LGR4: variants seen among roughly 807,000 people sequenced by gnomAD.
LGR4 encodes leucine rich repeat containing G protein-coupled receptor 4.
Under a neutral mutation model 84.8 loss-of-function variants are expected in LGR4, and 44 were observed. The ratio of observed to expected loss-of-function variants is 0.52; its 90% CI spans 0.41 to 0.67. The LOEUF (loss-of-function observed/expected upper bound fraction) is 0.67, where lower values mean the gene tolerates loss of function less well. LGR4 is among the 30% of genes least tolerant of loss of function. The probability of loss-of-function intolerance (pLI) is 0.00; values close to 1 mark genes in which losing one functional copy is unlikely to be tolerated. For missense variants in LGR4, 1,032 were observed against 1,131.4 expected (o/e 0.91, Z 1.26); for synonymous variants, 429 against 434.3 (o/e 0.99, Z 0.15).
intron 2 of LGR4, among the ~76,000 whole-genome samples, chr11:27,404,069 G>C (rs1020272834): frequency 5.3e-5 from 8 of 152,140 alleles, no homozygotes; most frequent in African/African-American, 1.7e-4. Context: ...CTATTTTCTT[G>C]CTGGAAAATT....
intron 1 of LGR4, among the ~76,000 whole-genome samples, chr11:27,427,089 A>G (rs1480720097): frequency 6.6e-6 from 1 of 152,202 alleles, no homozygotes; most frequent in Non-Finnish European, 1.5e-5. Flanking sequence ...TTGCTTATTA[A>G]TAATAGTGGT....
chr11:27,433,332 A>C (rs1046607693), intron 1 of LGR4, among the ~76,000 whole-genome samples: 2 of 150,768 alleles, frequency 1.3e-5, no homozygotes, highest in Non-Finnish European at 3.0e-5. Flanking sequence ...CCTGCCTCAG[A>C]CTCCCCAGTA....
At chr11:27,378,236 G>A (rs569964593) in intron 11 of LGR4, among the ~76,000 whole-genome samples, 4 of 152,038 alleles carry the variant, frequency 2.6e-5, no homozygotes, top group African/African-American at 4.8e-5. Context: ...TAACTTAATC[G>A]TTTATTCTGG....
intron 1 of LGR4, among the ~76,000 whole-genome samples, chr11:27,442,958 C>A (rs1864328205): frequency 6.6e-6 from 1 of 152,184 alleles, no homozygotes; most frequent in African/African-American, 2.4e-5. Flanking sequence ...TCCTATATAA[C>A]AGGGACTGTA....
intron 1 of LGR4, among the ~76,000 whole-genome samples, chr11:27,428,139 CT>C (rs1047115952): frequency 0.015 from 2,201 of 145,218 alleles, 50 homozygotes; most frequent in African/African-American, 0.049. Flanking sequence ...ATCTTGCATT[CT>C]TTTTTTTTTT....
intron 1 of LGR4, among the ~76,000 whole-genome samples, chr11:27,462,316 G>A (rs182471656): frequency 6.6e-6 from 1 of 152,272 alleles, no homozygotes; most frequent in Admixed American, 6.5e-5. Flanking sequence ...GCCATCTCAG[G>A]AAGGCAGCAA....
intron 1 of LGR4, among the ~76,000 whole-genome samples, chr11:27,455,033 CTCTG>C (rs1238563390): frequency 2.0e-5 from 3 of 152,156 alleles, no homozygotes; most frequent in Admixed American, 6.5e-5. Context: ...CACTTGCCTT[CTCTG>C]TCTGTCTTTC....
At chr11:27,396,934 C>T (rs899888160) in intron 2 of LGR4, among the ~76,000 whole-genome samples, 4 of 152,136 alleles carry the variant, frequency 2.6e-5, no homozygotes, top group African/African-American at 9.7e-5. Flanking sequence ...CCAAAGACCA[C>T]GAGAGTGTCT....
intron 1 of LGR4, among the ~76,000 whole-genome samples, chr11:27,450,987 C>T (rs1864472528): frequency 2.0e-5 from 3 of 152,102 alleles, no homozygotes; most frequent in Admixed American, 2.0e-4. Context: ...TATACTACTT[C>T]CAGGATTACT....
intron 6 of LGR4, among the ~76,000 whole-genome samples, chr11:27,383,827 G>A (rs1023987800): frequency 3.0e-4 from 46 of 152,300 alleles, no homozygotes; most frequent in African/African-American, 1.1e-3. Context: ...ATATAGTGGT[G>A]CAATGTACAG....
intron 12 of LGR4, 50 bp from the exon 13 acceptor site, chr11:27,376,420 G>C: frequency 1.1e-6 from 1 of 951,554 alleles, no homozygotes; most frequent in East Asian, 2.5e-5. Flanking sequence ...ACAAAGAAGA[G>C]AACAGGAGGA....
chr11:27,384,839 G>A (rs538667606), intron 5 of LGR4, among the ~76,000 whole-genome samples: 2 of 152,228 alleles, frequency 1.3e-5, no homozygotes, highest in Non-Finnish European at 2.9e-5. Flanking sequence ...GCACTATTTT[G>A]TTATGTCTTG....
chr11:27,380,144 G>A, intron 10 of LGR4, 127 bp downstream of exon 10: 1 of 570,344 alleles, frequency 1.8e-6, no homozygotes, highest in Non-Finnish European at 3.1e-6. Context: ...CTCCATGCAT[G>A]ATATATACAA....
At chr11:27,438,512 A>T (rs1363071343) in intron 1 of LGR4, among the ~76,000 whole-genome samples, 1 of 152,128 alleles carries the variant, frequency 6.6e-6, no homozygotes, top group Non-Finnish European at 1.5e-5. Flanking sequence ...GGTTAATTTT[A>T]TGTGTCAACT....
intron 1 of LGR4, among the ~76,000 whole-genome samples, chr11:27,434,915 C>T (rs1826075288): frequency 6.6e-6 from 1 of 152,102 alleles, no homozygotes. Flanking sequence ...CTTAAAGTGA[C>T]TAATAATAGA....
At chr11:27,464,700 T>C (rs1277041817) in intron 1 of LGR4, among the ~76,000 whole-genome samples, 7 of 152,156 alleles carry the variant, frequency 4.6e-5, no homozygotes, top group East Asian at 3.9e-4. Flanking sequence ...GCCAAATTTA[T>C]GTCACTCTTC....
chr11:27,459,597 C>T (rs1864643389), intron 1 of LGR4, among the ~76,000 whole-genome samples: 1 of 151,996 alleles, frequency 6.6e-6, no homozygotes, highest in Admixed American at 6.6e-5. Flanking sequence ...CTGCCTCATC[C>T]TCCCAAATAG....
rs147950033 is a variant in LGR4, at chr11:27,366,633, G to C, written c.*1234C>G. 2.0e-5 allele frequency: 3 copies of C among 152,452 alleles called. No homozygotes were observed. Among genetic ancestry groups the C allele is most frequent in the Non-Finnish European group, 2.9e-5 (2 of 67,938 alleles). The allele number at this position is 152,452 out of a possible 1,614,324, so 9.4% of individuals were successfully genotyped here. A position where few individuals can be genotyped will look rare whatever the true frequency, so the allele number is the denominator to read the frequency against. On this transcript the variant is annotated 3_prime_UTR_variant, in exon 18 of 18. Coordinates refer to ENST00000379214, the MANE Select transcript of LGR4 (RefSeq NM_018490.5). The stretch of plus-strand genomic sequence containing the variant: ...AATTATAACTTTAAGACTCCACCCA[G>C]TAATAGGTCTAAAGCCCATAGATGG...
At chr11:27,444,648 G>C (rs1864357446) in intron 1 of LGR4, among the ~76,000 whole-genome samples, 1 of 152,070 alleles carries the variant, frequency 6.6e-6, no homozygotes, top group Non-Finnish European at 1.5e-5. Context: ...TAATTAGGGT[G>C]GATAAGAATC....
Sources: allele counts gnomAD v4.1 joint callset (sites outside exome capture counted in the v4.1 genomes callset), GRCh38; gene constraint gnomAD v4.1.1; transcripts MANE v1.5; gene names NCBI Gene and HGNC (gene_info 2026-07-23, HGNC 2026-07-21).